MAGI2: variants seen among roughly 807,000 people sequenced by gnomAD.
MAGI2 encodes membrane-associated guanylate kinase, WW and PDZ domain-containing protein 2.
In MAGI2, 35 loss-of-function variants were observed where a neutral mutation model predicts 133.3. The ratio of observed to expected loss-of-function variants is 0.26; its 90% confidence interval spans 0.20 to 0.35. The LOEUF is 0.35. MAGI2 is among the 10% of genes least tolerant of loss of function. The probability of loss-of-function intolerance (pLI) is 1.00; values close to 1 mark genes in which losing one functional copy is unlikely to be tolerated. For missense variants in MAGI2, 1,636 were observed against 1,863.4 expected, an observed-to-expected ratio of 0.88 and a Z score of 2.25; for synonymous variants, 729 against 710.6, an observed-to-expected ratio of 1.03 and a Z score of -0.41.
intron 2 of MAGI2, among the ~76,000 whole-genome samples, chr7:78,982,221 G>A (rs897467118): frequency 1.3e-5 from 2 of 151,766 alleles, no homozygotes; most frequent in Non-Finnish European, 2.9e-5. Context: ...AAATATTACT[G>A]TTAAAAATTA....
At chr7:78,137,730 G>T (rs1822304244) in intron 16 of MAGI2, among the ~76,000 whole-genome samples, 1 of 152,162 alleles carries the variant, frequency 6.6e-6, no homozygotes, top group Admixed American at 6.5e-5. Context: ...AGACGATGTT[G>T]CAGGTCTCTG....
chr7:79,377,030 T>C (rs1843430228), intron 1 of MAGI2, among the ~76,000 whole-genome samples: 1 of 151,772 alleles, frequency 6.6e-6, no homozygotes, highest in Non-Finnish European at 1.5e-5. Flanking sequence ...TGCAACACTA[T>C]AGAGGTTTAG....
chr7:79,289,504 C>T (rs963188051), intron 1 of MAGI2, among the ~76,000 whole-genome samples: 2 of 152,108 alleles, frequency 1.3e-5, no homozygotes, highest in Non-Finnish European at 2.9e-5. Context: ...AGATGAGGCA[C>T]TCATACAATC....
intron 1 of MAGI2, among the ~76,000 whole-genome samples, chr7:79,058,101 G>T (rs1398132366): frequency 7.0e-6 from 1 of 142,998 alleles, no homozygotes. Context: ...GTGGTGGAGA[G>T]GGGGGAAGAA....
At chr7:78,771,564 A>G (rs754901394) in intron 2 of MAGI2, among the ~76,000 whole-genome samples, 1 of 152,214 alleles carries the variant, frequency 6.6e-6, no homozygotes, top group Non-Finnish European at 1.5e-5. Context: ...TAAACTTTTC[A>G]GTGTTAATAA....
chr7:78,890,574 C>T (rs1796657111), intron 2 of MAGI2, among the ~76,000 whole-genome samples: 1 of 152,158 alleles, frequency 6.6e-6, no homozygotes, highest in Non-Finnish European at 1.5e-5. Flanking sequence ...TTAAGAAACT[C>T]ACTCAAAACC....
intron 2 of MAGI2, among the ~76,000 whole-genome samples, chr7:78,708,550 A>G (rs181528358): frequency 2.6e-5 from 4 of 152,258 alleles, no homozygotes; most frequent in East Asian, 3.9e-4. Context: ...TATTTTACAC[A>G]TGTTAATTCA....
intron 2 of MAGI2, among the ~76,000 whole-genome samples, chr7:78,886,326 G>C (rs1796265166): frequency 6.6e-6 from 1 of 152,132 alleles, no homozygotes; most frequent in South Asian, 2.1e-4. Flanking sequence ...CTTTAACCTG[G>C]GCTGCATTAA....
chr7:78,619,364 C>T lies in MAGI2; in HGVS notation c.538+7756G>A, dbSNP rs548019739. 2.0e-5 allele frequency among the ~76,000 whole-genome samples: 3 copies of T among 151,692 alleles called. No individual in the cohort carries two copies. The East Asian group carries it at 5.8e-4, about 29-fold the overall frequency. ...AGAGTCAAAGAAGTGAATCCTATGC[C>T]CATGCATACTGACCTTAATTATATT... On this transcript the variant is annotated intron_variant, in intron 3 of 21. Transcript: ENST00000354212.
chr7:79,021,303 C>A (rs1809305775), intron 1 of MAGI2, among the ~76,000 whole-genome samples: 1 of 152,104 alleles, frequency 6.6e-6, no homozygotes, highest in South Asian at 2.1e-4. Context: ...AAGAGGACCA[C>A]CATCCTTCAG....
At chr7:78,069,692 C>CCCCG (rs1814277645) in intron 21 of MAGI2, among the ~76,000 whole-genome samples, 1 of 152,094 alleles carries the variant, frequency 6.6e-6, no homozygotes, top group Admixed American at 6.5e-5. Flanking sequence ...ACCCCACAAT[C>CCCCG]CCCGGTTGTG....
chr7:79,295,186 C>CA (rs928787249), intron 1 of MAGI2, among the ~76,000 whole-genome samples: 26 of 151,070 alleles, frequency 1.7e-4, no homozygotes, highest in South Asian at 4.2e-4. Flanking sequence ...CATTATAAAA[C>CA]AAAAAAAAGG....
chr7:78,116,290 G>A (rs1431042140), intron 20 of MAGI2, among the ~76,000 whole-genome samples: 1 of 151,288 alleles, frequency 6.6e-6, no homozygotes, highest in East Asian at 1.9e-4. Context: ...TAAATCTACA[G>A]CCTTAAATTT....
At chr7:78,103,184 T>C (rs1033180078) in intron 20 of MAGI2, among the ~76,000 whole-genome samples, 1 of 152,212 alleles carries the variant, frequency 6.6e-6, no homozygotes, top group Non-Finnish European at 1.5e-5. Flanking sequence ...GCTATAGGGA[T>C]TGCATACCTT....
At position 78,328,251 on chromosome 7, in the gene MAGI2, T is replaced by G. The variant is rs57992331; in HGVS notation, c.1408+15527A>C. Among the ~76,000 whole-genome samples the G allele has an allele frequency of 1.6e-3, 242 of 151,944 alleles. 4 individuals carry two copies. The highest frequency in any genetic ancestry group is 5.6e-3 in the African/African-American group (234 of 41,422). ...AAAACCCAAAAACCCCTCAAGGACTTACGCCTTGATGAAAACACTGAAAAC... is the reference window on the plus strand; with the variant it reads ...AAAACCCAAAAACCCCTCAAGGACTGACGCCTTGATGAAAACACTGAAAAC... On this transcript the variant is annotated intron_variant, in intron 9 of 21. Transcript: ENST00000354212.
At chr7:78,336,455 C>T (rs941721884) in intron 9 of MAGI2, among the ~76,000 whole-genome samples, 1 of 152,144 alleles carries the variant, frequency 6.6e-6, no homozygotes, top group African/African-American at 2.4e-5. Flanking sequence ...GGGCATGGTG[C>T]CTCATAACTG....
intron 1 of MAGI2, among the ~76,000 whole-genome samples, chr7:79,034,216 T>A (rs904313376): frequency 1.3e-5 from 2 of 152,194 alleles, no homozygotes; most frequent in Non-Finnish European, 2.9e-5. Context: ...AATGTTGGTT[T>A]TTTTTACCAT....
rs138094008 is a variant in MAGI2 at position 78,495,378 on chromosome 7, A to T, written c.966-5538T>A. On this transcript the variant is annotated intron_variant, in intron 5 of 21. Transcript: ENST00000354212. ...ACATGCGGTGTTTGGTTTTCTGTTC[A>T]TCTGTTAGTTTGCTGAAAAACATTA... Among the ~76,000 whole-genome samples, 1,322 of 152,086 alleles carry T rather than the reference A, an allele frequency of 8.7e-3. 17 individuals are homozygous for T. The highest frequency in any genetic ancestry group is 0.03 in the African/African-American group (1,255 of 41,476).
chr7:78,923,563 T>C (rs997340522), intron 2 of MAGI2, among the ~76,000 whole-genome samples: 3 of 152,232 alleles, frequency 2.0e-5, no homozygotes, highest in African/African-American at 7.2e-5. Context: ...ATCTCTGTTT[T>C]GGTACCAGTA....
Sources: gnomAD v4.1 joint callset for allele counts (sites outside exome capture counted in the v4.1 genomes callset) on GRCh38, gnomAD v4.1.1 for gene constraint, MANE v1.5 for transcripts, NCBI Gene and HGNC (gene_info 2026-07-23, HGNC 2026-07-21) for gene names.